The following ZNF10 variants were observed in gnomAD, a reference collection of about 807,000 sequenced individuals.
ZNF10 encodes zinc finger protein 10 (KOX 1).
ZNF10 carries 8 observed loss-of-function variants against 12.2 expected under a neutral mutation model. The ratio of observed to expected loss-of-function variants is 0.66; its 90% CI spans 0.39 to 1.18. ZNF10 has a LOEUF of 1.18. Ranked by LOEUF, ZNF10 falls within the 50% of genes most tolerant of loss-of-function variation. ZNF10 has a pLI of 0.01. For missense variants in ZNF10, 603 were observed against 678.9 expected, an observed-to-expected ratio of 0.89 and a Z score of 1.24; for synonymous variants, 229 against 228.2, an observed-to-expected ratio of 1.00 and a Z score of -0.03.
rs765957546 is a variant in ZNF10, at chr12:133,151,034, G to A, written c.40G>A (p.Val14Met). The A allele has an allele frequency of 1.4e-5, 23 of 1,612,454 alleles. No homozygotes were observed. Among genetic ancestry groups the A allele is most frequent in the Non-Finnish European group, 2.0e-5 (23 of 1,178,906 alleles). Residue 14 changes from valine to methionine, a missense_variant, in exon 3 of 5, where the codon GTG becomes ATG. Physicochemically the swap from Val to Met is conservative, Grantham distance 21. Coordinates refer to ENST00000248211, the MANE Select transcript of ZNF10 (RefSeq NM_015394.5). ...KSLTAWSRTL[V>M]TFKDVFVDFT... ...AATGTGTTTGATGTTGTAGACACTG[G>A]TGACCTTCAAGGATGTATTTGTGGA...
At chr12:133,140,873 A>G (rs933416264) in intron 1 of ZNF10, among the ~76,000 whole-genome samples, 3 of 152,278 alleles carry the variant, frequency 2.0e-5, no homozygotes, top group African/African-American at 7.2e-5. Context: ...GTAAGAGAGC[A>G]TCTTACAGCA....
intron 1 of ZNF10, among the ~76,000 whole-genome samples, chr12:133,132,219 A>C (rs1370390611): frequency 1.3e-5 from 2 of 152,226 alleles, no homozygotes; most frequent in African/African-American, 2.4e-5. Flanking sequence ...GAGTAAGAAT[A>C]AAAACAGTTC....
chr12:133,150,053 C>T (rs910824207), intron 2 of ZNF10, among the ~76,000 whole-genome samples: 10 of 152,054 alleles, frequency 6.6e-5, no homozygotes, highest in East Asian at 1.9e-4. Flanking sequence ...AAAACTGCAC[C>T]GGAAAATGTT....
chr12:133,152,573 G>C (rs1180873254), intron 4 of ZNF10, among the ~76,000 whole-genome samples: 1 of 151,994 alleles, frequency 6.6e-6, no homozygotes, highest in Admixed American at 6.6e-5. Context: ...GCACCACCAC[G>C]CCCAGCTAAT....
chr12:133,131,976 G>A lies in ZNF10; in HGVS notation c.-60+1222G>A, dbSNP rs73162467. 6.6e-3 allele frequency among the ~76,000 whole-genome samples: 1,012 copies of A among 152,254 alleles called. 10 individuals are homozygous for A. The highest frequency in any genetic ancestry group is 0.023 in the African/African-American group (938 of 41,530). On this transcript the variant is annotated intron_variant, in intron 1 of 4. Coordinates refer to ENST00000248211, the MANE Select transcript of ZNF10 (RefSeq NM_015394.5). ...CCTTGTTAATTAATTAACTAATTAA[G>A]TCCCCAAAATGAGAAGAGATTCAAT...
chr12:133,135,556 C>T (rs1333660063), intron 1 of ZNF10, among the ~76,000 whole-genome samples: 1 of 152,230 alleles, frequency 6.6e-6, no homozygotes, highest in Non-Finnish European at 1.5e-5. Flanking sequence ...CTGTGTGTCT[C>T]AGACTTCCAC....
At chr12:133,130,956 T>TGAGG (rs1475276286) in intron 1 of ZNF10, 1 of 152,230 alleles carries the variant, frequency 6.6e-6, no homozygotes, top group Non-Finnish European at 1.5e-5. Context: ...CGGACGTTCT[T>TGAGG]GTTCTGTGGA....
At chr12:133,135,569 A>G (rs1022011473) in intron 1 of ZNF10, among the ~76,000 whole-genome samples, 1 of 152,074 alleles carries the variant, frequency 6.6e-6, no homozygotes, top group Non-Finnish European at 1.5e-5. Flanking sequence ...ACTTCCACTC[A>G]TGACCCAAAC....
At position 133,159,316 on chromosome 12, in the gene ZNF10, GGAAGATTATGCAGGCAT is replaced by G. The variant is rs1956059534; in HGVS notation, c.*2349_*2365del. On this transcript the variant is annotated 3_prime_UTR_variant, in exon 5 of 5. Transcript: ENST00000248211. ...AATATTTGTGGCATATCCGTGTAAT[GGAAGATTATGCAGGCAT>G]TAAAATATGTACACAAAAAGTTTGG... 1 of 152,204 alleles carries G rather than the reference GGAAGATTATGCAGGCAT, an allele frequency of 6.6e-6. No homozygotes were observed. Among genetic ancestry groups the G allele is most frequent in the South Asian group, 2.1e-4 (1 of 4,834 alleles). The allele number at this position is 152,204 out of a possible 1,614,324, so 9.4% of individuals were successfully genotyped here.
chr12:133,155,569 C>A lies in ZNF10; in HGVS notation c.323C>A (p.Ser108Tyr), dbSNP rs548527063. Reference protein sequence around the residue: ...SSRSIFKDKQSCDIKMEGMAR... With the variant: ...SSRSIFKDKQYCDIKMEGMAR... ...AGGAGCATTTTTAAAGATAAGCAAT[C>A]CTGTGACATTAAAATGGAAGGAATG... Residue 108 changes from serine (S) to tyrosine (Y), a missense_variant, in exon 5 of 5, where the codon TCC becomes TAC. Physicochemically the swap from Ser to Tyr is moderately radical, Grantham distance 144 (BLOSUM62 -2). Around this residue, in one of 3 missense-constraint regions of ZNF10, gnomAD observed 393 missense variants for 399.7 expected, o/e 0.98. Transcript: ENST00000248211. 1.9e-6 allele frequency: 3 copies of A among 1,611,784 alleles called. No homozygotes were observed. The South Asian group carries it at 3.3e-5, about 18-fold the overall frequency.
chr12:133,154,960 C>A (rs1167453603), intron 4 of ZNF10, among the ~76,000 whole-genome samples: 1 of 152,048 alleles, frequency 6.6e-6, no homozygotes, highest in African/African-American at 2.4e-5. Context: ...TGCCTGTAAT[C>A]CCAGCTACTT....
chr12:133,144,829 A>G, intron 2 of ZNF10: 1 of 487,766 alleles, frequency 2.1e-6, no homozygotes, highest in East Asian at 5.5e-5. Context: ...TACAAGAAAA[A>G]GATCAACTCA....
chr12:133,148,104 T>G (rs1402355655), intron 2 of ZNF10, among the ~76,000 whole-genome samples: 2 of 152,182 alleles, frequency 1.3e-5, no homozygotes, highest in African/African-American at 4.8e-5. Flanking sequence ...AAGCTCACTT[T>G]GTCAATTTTC....
chr12:133,150,976 G>A (rs1956003383), intron 2 of ZNF10, 52 bp from the exon 3 acceptor site: 4 of 1,587,366 alleles, frequency 2.5e-6, no homozygotes, highest in Middle Eastern at 1.7e-4. Context: ...TCAGGAAAGG[G>A]GGATAGCAAA....
intron 1 of ZNF10, among the ~76,000 whole-genome samples, chr12:133,134,332 G>A (rs1955898975): frequency 6.6e-6 from 1 of 151,712 alleles, no homozygotes; most frequent in African/African-American, 2.4e-5. Flanking sequence ...AAGTAAAAGG[G>A]GGATAAGAAG....
intron 2 of ZNF10, chr12:133,144,866 T>G: frequency 2.1e-6 from 1 of 465,228 alleles, no homozygotes; most frequent in South Asian, 1.6e-5. Context: ...CAAAAACAGG[T>G]ATTTACAAAC....
chr12:133,145,336 T>C (rs1955969166), intron 2 of ZNF10, among the ~76,000 whole-genome samples: 1 of 152,236 alleles, frequency 6.6e-6, no homozygotes, highest in African/African-American at 2.4e-5. Context: ...TTAGGCTATA[T>C]ACCTTCTTGG....
Position 133,155,556 on chromosome 12 carries a change from A to G in ZNF10, c.310A>G (p.Lys104Glu), listed in dbSNP as rs1431227712. The change falls in exon 5 of 5, where the codon AAA becomes GAA. Residue 104 changes from lysine (K) to glutamate (E), a missense_variant. By Grantham distance (56) the Lys-to-Glu change is moderately conservative. Transcript: ENST00000248211. ...KSSVSSRSIFKDKQSCDIKME... is the reference protein window; with the variant it reads ...KSSVSSRSIFEDKQSCDIKME... The stretch of plus-strand genomic sequence containing the variant: ...ATCAGTTTCCAGCAGGAGCATTTTT[A>G]AAGATAAGCAATCCTGTGACATTAA... The G allele has an allele frequency of 6.2e-7, 1 of 1,600,628 alleles. No individual in the cohort carries two copies. Among genetic ancestry groups the G allele is most frequent in the East Asian group, 2.2e-5 (1 of 44,826 alleles).
At chr12:133,146,960 T>G (rs1955980375) in intron 2 of ZNF10, among the ~76,000 whole-genome samples, 1 of 152,170 alleles carries the variant, frequency 6.6e-6, no homozygotes, top group African/African-American at 2.4e-5. Context: ...TTGCAACCAC[T>G]GATCTATTGA....
Sources: allele counts gnomAD v4.1 joint callset (sites outside exome capture counted in the v4.1 genomes callset), GRCh38; gene constraint gnomAD v4.1.1; regional missense constraint gnomAD v4.1.1; transcripts MANE v1.5; gene names NCBI Gene and HGNC (gene_info 2026-07-23, HGNC 2026-07-21).